APOOL: variants seen among roughly 807,000 people sequenced by gnomAD.
APOOL encodes MICOS complex subunit MIC27.
In APOOL, 12 loss-of-function variants were observed where a neutral mutation model predicts 23.1. That is an observed-to-expected ratio of 0.52 (90% CI 0.33 to 0.84). The LOEUF is 0.84. Among genes scored for constraint, APOOL ranks in the 40% least tolerant of loss-of-function variants. The pLI is 0.02. For missense variants in APOOL, 212 were observed against 199.6 expected (o/e 1.06, Z -0.37); for synonymous variants, 77 against 69.9 (o/e 1.10, Z -0.51).
At chrX:85,068,504 C>G (rs1923551202) in intron 6 of APOOL, among the ~76,000 whole-genome samples, 1 of 104,811 alleles carries the variant, frequency 9.5e-6, no homozygotes, top group South Asian at 4.4e-4. Flanking sequence ...CTCCTGGGTT[C>G]AAGTGATTCT....
chrX:85,022,629 T>C (rs1921705349), intron 1 of APOOL, among the ~76,000 whole-genome samples: 3 of 60,261 alleles, frequency 5.0e-5, no homozygotes, highest in African/African-American at 2.3e-4. Flanking sequence ...TTTAACATCA[T>C]ACTCAATGGT....
chrX:85,083,714 C>G, intron 8 of APOOL, among the ~76,000 whole-genome samples: 1 of 112,003 alleles, frequency 8.9e-6, no homozygotes, highest in Middle Eastern at 4.7e-3. Flanking sequence ...CCTAACTTCA[C>G]TCAGCAATTT....
At chrX:85,076,304 T>A (rs934046153) in intron 8 of APOOL, among the ~76,000 whole-genome samples, 4 of 110,884 alleles carry the variant, frequency 3.6e-5, no homozygotes, top group African/African-American at 1.3e-4. Flanking sequence ...CATTTCCACG[T>A]TTCATATGTA....
intron 5 of APOOL, among the ~76,000 whole-genome samples, chrX:85,058,312 G>A (rs1425565390): frequency 9.0e-6 from 1 of 110,722 alleles, no homozygotes; most frequent in Non-Finnish European, 1.9e-5. Context: ...TTATAAGTGA[G>A]AATGTGCAGT....
chrX:85,084,778 T>C, intron 8 of APOOL, among the ~76,000 whole-genome samples: 1 of 111,895 alleles, frequency 8.9e-6, no homozygotes. Flanking sequence ...AGCTGAATCT[T>C]TCACCAAACT....
chrX:85,021,183 C>A (rs1921651784), intron 1 of APOOL, among the ~76,000 whole-genome samples: 1 of 109,017 alleles, frequency 9.2e-6, no homozygotes, highest in Non-Finnish European at 1.9e-5. Flanking sequence ...CCAGTAGACA[C>A]CGCTAGTGGA....
Position 85,067,174 on chromosome X carries a change from G to A in APOOL, c.442G>A (p.Gly148Arg). The A allele has an allele frequency of 1.7e-6, 2 of 1,161,529 alleles. No individual in the cohort carries two copies. The highest frequency in any genetic ancestry group is 2.3e-6 in the Non-Finnish European group (2 of 868,637). ...ITYPLGLATL[G>R]ATVCYPVQSV... ...TTATCCTCTGGGACTGGCCACTTTAGGAGCAACTGTTTGCTACCCAGTTCA... is the reference window on the plus strand; with the variant it reads ...TTATCCTCTGGGACTGGCCACTTTAAGAGCAACTGTTTGCTACCCAGTTCA... The change falls in exon 6 of 9, where the codon GGA (glycine) becomes AGA (arginine). Residue 148 changes from glycine to arginine, a missense_variant. Coordinates refer to ENST00000373173, the MANE Select transcript of APOOL (RefSeq NM_198450.6).
chrX:85,055,708 A>G, intron 4 of APOOL, 119 bp from the exon 5 acceptor site: 6 of 443,826 alleles, frequency 1.4e-5, no homozygotes, highest in Admixed American at 5.4e-5. Context: ...AGCTCTTTTG[A>G]AGAATATTTA....
intron 1 of APOOL, among the ~76,000 whole-genome samples, chrX:85,036,663 GT>G (rs1173866577): frequency 1.8e-5 from 2 of 111,386 alleles, no homozygotes; most frequent in Admixed American, 9.5e-5. Flanking sequence ...TTTGTTGAGG[GT>G]TTTTTAAATG....
At chrX:85,019,198 G>T (rs187148976) in intron 1 of APOOL, among the ~76,000 whole-genome samples, 1 of 111,938 alleles carries the variant, frequency 8.9e-6, no homozygotes, top group African/African-American at 3.2e-5. Context: ...TTTGAATGTG[G>T]GTGTTCCCTT....
intron 1 of APOOL, among the ~76,000 whole-genome samples, chrX:85,038,524 G>GTTTTTT (rs56248244): frequency 4.6e-5 from 2 of 43,445 alleles, no homozygotes; most frequent in African/African-American, 2.1e-4. Context: ...TCTGGTACAA[G>GTTTTTT]TTTTTTTTTT....
intron 5 of APOOL, among the ~76,000 whole-genome samples, chrX:85,065,471 G>T (rs975596021): frequency 1.8e-5 from 2 of 111,817 alleles, no homozygotes; most frequent in Admixed American, 9.6e-5. Flanking sequence ...GCTTCATAGT[G>T]TCATTGGTCT....
intron 5 of APOOL, among the ~76,000 whole-genome samples, chrX:85,063,044 A>G (rs1923296832): frequency 9.0e-6 from 1 of 111,268 alleles, no homozygotes; most frequent in South Asian, 3.8e-4. Flanking sequence ...TTCCTCGAGC[A>G]ATGGTTTGTA....
chrX:85,046,496 T>C lies in APOOL; in HGVS notation c.66T>C (p.Ser22=). The C allele has an allele frequency of 1.7e-6, 2 of 1,209,857 alleles. No homozygotes were observed. Among genetic ancestry groups the C allele is most frequent in the Non-Finnish European group, 2.2e-6 (2 of 894,526 alleles). Residue 22 remains serine (S), a synonymous_variant, in exon 2 of 9, where the codon AGT becomes AGC. Transcript: ENST00000373173. The part of the protein sequence containing the change: ...MPAGLIYASV[S]VHAAKQEESK... ...CAGGTCTGATATATGCATCTGTAAG[T>C]GTACATGCAGCCAAACAAGAGGAAT...
At chrX:85,082,463 G>C (rs1383126462) in intron 8 of APOOL, among the ~76,000 whole-genome samples, 1 of 110,865 alleles carries the variant, frequency 9.0e-6, no homozygotes, top group Non-Finnish European at 1.9e-5. Context: ...AAATATTGCT[G>C]CCTGATCCTT....
At chrX:85,051,279 T>G (rs954780298) in intron 2 of APOOL, 110 bp from the exon 3 acceptor site, 3 of 841,319 alleles carry the variant, frequency 3.6e-6, no homozygotes, top group Non-Finnish European at 5.0e-6. Flanking sequence ...TTATCAGCAT[T>G]TTTAGTTGTT....
intron 6 of APOOL, among the ~76,000 whole-genome samples, chrX:85,072,840 C>G (rs913736746): frequency 3.6e-5 from 4 of 111,738 alleles, no homozygotes; most frequent in Non-Finnish European, 5.6e-5. Flanking sequence ...AAACTAAATA[C>G]ATATGTAATT....
At chrX:85,063,541 G>A (rs146673943) in intron 5 of APOOL, among the ~76,000 whole-genome samples, 1,261 of 110,953 alleles carry the variant, frequency 0.011, 13 homozygotes, top group Non-Finnish European at 0.019. Context: ...ATGTTCCTTC[G>A]ATACCTAGTT....
Position 85,088,125 on chromosome X carries a change from C to CATATTTATACATATATATGTATAA in APOOL, c.*450_*451insTTTATACATATATATGTATAAATA, listed in dbSNP as rs371797707. The CATATTTATACATATATATGTATAA allele has an allele frequency of 2.8e-4, 3 of 10,895 alleles. No individual in the cohort carries two copies. The highest frequency in any genetic ancestry group is 3.4e-3 in the East Asian group (1 of 297). 0.9% of individuals were successfully genotyped at this position (10,895 alleles called of 1,213,427 possible). ...ATATTTATACATATATGTATAAATACATACATATTTATACATATATGTATA... is the reference window on the plus strand; with the variant it reads ...ATATTTATACATATATGTATAAATACATATTTATACATATATATGTATAAATACATATTTATACATATATGTATA... On this transcript the variant is annotated 3_prime_UTR_variant, in exon 9 of 9. Coordinates refer to ENST00000373173, the MANE Select transcript of APOOL (RefSeq NM_198450.6).
Sources: allele counts gnomAD v4.1 joint callset (sites outside exome capture counted in the v4.1 genomes callset), GRCh38; gene constraint gnomAD v4.1.1; transcripts MANE v1.5; gene names NCBI Gene and HGNC (gene_info 2026-07-23, HGNC 2026-07-21).